ZEB2: variants seen among roughly 807,000 people sequenced by gnomAD.
The protein encoded by ZEB2 is zinc finger E-box binding homeobox 2, also known as zinc finger E-box-binding homeobox 2.
ZEB2 carries 6 observed loss-of-function variants against 99.9 expected under a neutral mutation model. The observed-to-expected ratio is 0.06, with a 90% CI of 0.03 to 0.12. ZEB2 has a LOEUF of 0.12. Ranked by LOEUF, ZEB2 falls within the 10% of genes least tolerant of loss-of-function variation. The pLI is 1.00. For synonymous variants in ZEB2, 517 were observed against 542.5 expected (o/e 0.95, Z 0.65); for missense variants, 969 against 1,502.8 (o/e 0.64, Z 5.87).
At chr2:144,418,418 G>A (rs1301913550) in intron 4 of ZEB2, among the ~76,000 whole-genome samples, 2 of 152,158 alleles carry the variant, frequency 1.3e-5, no homozygotes, top group African/African-American at 4.8e-5. Flanking sequence ...GCCAGGCCTG[G>A]TGGCTCATGC....
chr2:144,449,285 G>A (rs1402560067), intron 2 of ZEB2, among the ~76,000 whole-genome samples: 1 of 152,136 alleles, frequency 6.6e-6, no homozygotes, highest in Non-Finnish European at 1.5e-5. Context: ...CAGAAGACAG[G>A]GGGAGCTATT....
At chr2:144,478,067 AC>A (rs1398495453) in intron 2 of ZEB2, among the ~76,000 whole-genome samples, 8 of 152,176 alleles carry the variant, frequency 5.3e-5, no homozygotes, top group African/African-American at 1.9e-4. Flanking sequence ...AGGGTTTCCC[AC>A]CTGAGACAGA....
At chr2:144,440,515 ATTTTTTTTTTTT>A (rs201944188) in intron 2 of ZEB2, among the ~76,000 whole-genome samples, 573 of 32,724 alleles carry the variant, frequency 0.018, 3 homozygotes, top group East Asian at 0.1. Context: ...ATATATATAT[ATTTTTTTTTTTT>A]TTTTTTTTTT....
intron 1 of ZEB2, chr2:144,518,190 T>G (rs548073296): frequency 6.6e-6 from 1 of 151,162 alleles, no homozygotes; most frequent in Non-Finnish European, 1.5e-5. Context: ...CAGTAGAATT[T>G]TTTTTTTCCC....
At chr2:144,481,511 C>T (rs1232884120) in intron 2 of ZEB2, among the ~76,000 whole-genome samples, 1 of 152,004 alleles carries the variant, frequency 6.6e-6, no homozygotes, top group Non-Finnish European at 1.5e-5. Flanking sequence ...ATTCTAGAGC[C>T]CCAAGGGGTA....
intron 2 of ZEB2, among the ~76,000 whole-genome samples, chr2:144,471,636 C>T (rs1191635817): frequency 6.6e-6 from 1 of 151,878 alleles, no homozygotes; most frequent in Non-Finnish European, 1.5e-5. Flanking sequence ...TGTAAGCCAC[C>T]TCCTAGGTAG....
chr2:144,426,134 T>G (rs973801756), intron 3 of ZEB2, among the ~76,000 whole-genome samples: 2 of 152,194 alleles, frequency 1.3e-5, no homozygotes, highest in Admixed American at 6.5e-5. Context: ...TCAGATAATT[T>G]GAATGATATT....
At chr2:144,401,403 C>A in intron 6 of ZEB2, 96 bp from the exon 7 acceptor site, 1 of 1,218,684 alleles carries the variant, frequency 8.2e-7, no homozygotes, top group Non-Finnish European at 1.2e-6. Context: ...TTCAGACAGG[C>A]CAAAAGGTTT....
At chr2:144,447,735 G>A (rs981142031) in intron 2 of ZEB2, among the ~76,000 whole-genome samples, 1 of 152,176 alleles carries the variant, frequency 6.6e-6, no homozygotes, top group Non-Finnish European at 1.5e-5. Flanking sequence ...CCTTCTGACG[G>A]GCCCATCTAG....
At chr2:144,500,269 C>T (rs190516234) in intron 2 of ZEB2, among the ~76,000 whole-genome samples, 22 of 152,208 alleles carry the variant, frequency 1.4e-4, no homozygotes, top group East Asian at 3.9e-4. Context: ...TTTAATTAAC[C>T]GCCCTGTAGA....
At chr2:144,458,686 A>G (rs1185246319) in intron 2 of ZEB2, among the ~76,000 whole-genome samples, 1 of 152,094 alleles carries the variant, frequency 6.6e-6, no homozygotes, top group Non-Finnish European at 1.5e-5. Flanking sequence ...AAAAGTCTGT[A>G]TTTTCTCAGG....
rs181397851 is a variant in ZEB2, at chr2:144,498,034, A to G, written c.73+19244T>C. On this transcript the variant is annotated intron_variant, in intron 2 of 9. Coordinates refer to ENST00000627532, the MANE Select transcript of ZEB2 (RefSeq NM_014795.4). ...ATATTAATATTATATATTATATAAT[A>G]TATATTAATATTATATATTATATAA... 1.1e-4 allele frequency among the ~76,000 whole-genome samples: 6 copies of G among 53,852 alleles called. No individual in the cohort carries two copies. In the South Asian group the frequency reaches 1.9e-3, roughly 17 times the overall value. 35.3% of individuals were successfully genotyped at this position (53,852 alleles called of 152,430 possible). A position where few individuals can be genotyped will look rare whatever the true frequency, so the allele number is the denominator to read the frequency against.
At chr2:144,511,970 C>T (rs745532293) in intron 2 of ZEB2, 50 of 1,287,186 alleles carry the variant, frequency 3.9e-5, no homozygotes, top group Non-Finnish European at 5.1e-5. Context: ...AGTGTTTCTG[C>T]ATCACAGATT....
intron 2 of ZEB2, chr2:144,449,566 T>C (rs757876730): frequency 6.6e-6 from 1 of 152,218 alleles, no homozygotes; most frequent in Non-Finnish European, 1.5e-5. Flanking sequence ...AGTGGCTGAG[T>C]AAGACCCCGT....
At chr2:144,457,045 G>A (rs1704130254) in intron 2 of ZEB2, among the ~76,000 whole-genome samples, 1 of 152,128 alleles carries the variant, frequency 6.6e-6, no homozygotes, top group South Asian at 2.1e-4. Context: ...CAAGATAAAT[G>A]CATATAGAAG....
chr2:144,387,997 G>A lies in ZEB2; in HGVS notation c.*1454C>T, dbSNP rs761449636. ...TGAAGGAAAACTCTCTAAAAGTACAGAACTCATTAACTACATTCTTAGTTT... is the reference window on the plus strand; with the variant it reads ...TGAAGGAAAACTCTCTAAAAGTACAAAACTCATTAACTACATTCTTAGTTT... On this transcript the variant is annotated 3_prime_UTR_variant, in exon 10 of 10. Transcript: ENST00000627532. The A allele has an allele frequency of 1.3e-5, 2 of 152,564 alleles. No homozygotes were observed. The highest frequency in any genetic ancestry group is 4.8e-5 in the African/African-American group (2 of 41,442). The allele number at this position is 152,564 out of a possible 1,614,324, so 9.5% of individuals were successfully genotyped here.
intron 4 of ZEB2, among the ~76,000 whole-genome samples, chr2:144,422,576 G>C (rs1481059492): frequency 6.6e-6 from 1 of 152,210 alleles, no homozygotes; most frequent in African/African-American, 2.4e-5. Context: ...GAGGTGGGAG[G>C]ATCACCTGAG....
intron 2 of ZEB2, among the ~76,000 whole-genome samples, chr2:144,498,669 GA>G (rs1354480164): frequency 6.6e-6 from 1 of 152,176 alleles, no homozygotes; most frequent in Non-Finnish European, 1.5e-5. Context: ...AAATATGAGA[GA>G]AACGATGGCA....
rs1246792192 is a variant in ZEB2 at position 144,390,174 on chromosome 2, G to A, written c.3068-146C>T. 5 of 899,164 alleles carry A rather than the reference G, an allele frequency of 5.6e-6. No individual in the cohort carries two copies. In the African/African-American group the frequency reaches 8.3e-5, roughly 15 times the overall value. 55.7% of individuals were successfully genotyped at this position (899,164 alleles called of 1,614,324 possible). A position where few individuals can be genotyped will look rare whatever the true frequency, so the allele number is the denominator to read the frequency against. On this transcript the variant is annotated intron_variant, in intron 9 of 9. Coordinates refer to ENST00000627532, the MANE Select transcript of ZEB2 (RefSeq NM_014795.4). The stretch of plus-strand genomic sequence containing the variant: ...CACACCCCGGTCTAATCGATGGAGA[G>A]TTAGGAAGATGCATTTCCATCCCAC...
Sources: gnomAD v4.1 joint callset for allele counts (sites outside exome capture counted in the v4.1 genomes callset) on GRCh38, gnomAD v4.1.1 for gene constraint, MANE v1.5 for transcripts, NCBI Gene and HGNC (gene_info 2026-07-23, HGNC 2026-07-21) for gene names.